Variants in DGKB observed in about 807,000 individuals in gnomAD.
The protein encoded by DGKB is 90 kDa diacylglycerol kinase.
Under a neutral mutation model 114.3 loss-of-function variants are expected in DGKB, and 67 were observed. That is an observed-to-expected ratio of 0.59 (90% CI 0.48 to 0.72). DGKB has a LOEUF of 0.72. Among genes scored for constraint, DGKB ranks in the 30% least tolerant of loss-of-function variants. The pLI, the probability that DGKB is intolerant of heterozygous loss-of-function variation, is 0.00. For missense variants in DGKB, 907 were observed against 975.2 expected (o/e 0.93, Z 0.93); for synonymous variants, 398 against 323.1 (o/e 1.23, Z -2.49).
chr7:14,952,213 C>T (rs1786241866), intron 1 of DGKB, among the ~76,000 whole-genome samples: 1 of 151,954 alleles, frequency 6.6e-6, no homozygotes, highest in Admixed American at 6.6e-5. Context: ...CAGATTCTTC[C>T]TCAGCACCTT....
At chr7:14,647,977 C>G (rs1009295120) in intron 13 of DGKB, among the ~76,000 whole-genome samples, 16 of 152,356 alleles carry the variant, frequency 1.1e-4, no homozygotes, top group African/African-American at 3.8e-4. Flanking sequence ...TATCCTGCAC[C>G]TGGCTCAGAG....
At chr7:14,806,677 C>T (rs1257931296) in intron 2 of DGKB, among the ~76,000 whole-genome samples, 1 of 152,004 alleles carries the variant, frequency 6.6e-6, no homozygotes, top group Non-Finnish European at 1.5e-5. Context: ...GTAACAGTCA[C>T]ATCTTCTTTT....
rs988001268 is a variant in DGKB, at chr7:14,188,549, A to G, written c.2123-10398T>C. On this transcript the variant is annotated intron_variant, in intron 23 of 25. Coordinates refer to ENST00000402815, the MANE Select transcript of DGKB (RefSeq NM_001350709.2). The stretch of plus-strand genomic sequence containing the variant: ...GTGGCGGGCGCCTGTAGTCCCAGCT[A>G]CTTGGGAGGCTGAGGCAGGAGAATG... Among the ~76,000 whole-genome samples the G allele has an allele frequency of 3.5e-5, 5 of 142,878 alleles. No homozygotes were observed. In the South Asian group the frequency reaches 8.7e-4, roughly 25 times the overall value. The allele number at this position is 142,878 out of a possible 152,430, so 93.7% of individuals were successfully genotyped here.
chr7:14,314,122 A>G (rs1188831659), intron 23 of DGKB, among the ~76,000 whole-genome samples: 1 of 152,052 alleles, frequency 6.6e-6, no homozygotes, highest in Non-Finnish European at 1.5e-5. Context: ...CACACCAAAA[A>G]CTCATCTGTA....
chr7:14,382,288 CA>C (rs199655483), intron 21 of DGKB, among the ~76,000 whole-genome samples: 1,883 of 148,210 alleles, frequency 0.013, 31 homozygotes, highest in African/African-American at 0.039. Context: ...CAAACAGTGG[CA>C]ATTTTTTTTT....
intron 9 of DGKB, among the ~76,000 whole-genome samples, chr7:14,692,480 T>C (rs1196853932): frequency 6.6e-6 from 1 of 152,054 alleles, no homozygotes; most frequent in Non-Finnish European, 1.5e-5. Context: ...ATTTTGTCAA[T>C]TTTTCTTTTG....
At chr7:14,805,795 C>G (rs1842724249) in intron 2 of DGKB, among the ~76,000 whole-genome samples, 1 of 150,836 alleles carries the variant, frequency 6.6e-6, no homozygotes, top group Admixed American at 6.6e-5. Context: ...CTTTCTGGTT[C>G]TCAAATTTTC....
intron 20 of DGKB, among the ~76,000 whole-genome samples, chr7:14,486,226 A>G (rs886555298): frequency 1.8e-4 from 27 of 152,180 alleles, no homozygotes; most frequent in Non-Finnish European, 4.0e-4. Flanking sequence ...TTGGGAAAGT[A>G]GTAGCTATAC....
intron 4 of DGKB, among the ~76,000 whole-genome samples, chr7:14,740,984 T>C (rs1325551848): frequency 6.6e-6 from 1 of 152,166 alleles, no homozygotes. Context: ...CTCCTCTTTC[T>C]AGATGAGTAG....
chr7:14,242,113 G>A (rs1217654419), intron 23 of DGKB, among the ~76,000 whole-genome samples: 1 of 152,100 alleles, frequency 6.6e-6, no homozygotes, highest in Non-Finnish European at 1.5e-5. Context: ...GAAGAATGCA[G>A]AAACCTTAGC....
At chr7:14,699,057 T>C (rs945460971) in intron 7 of DGKB, among the ~76,000 whole-genome samples, 1 of 151,786 alleles carries the variant, frequency 6.6e-6, no homozygotes, top group Non-Finnish European at 1.5e-5. Flanking sequence ...AGAAATACGA[T>C]AAAACAGATT....
intron 23 of DGKB, among the ~76,000 whole-genome samples, chr7:14,196,371 T>C (rs1785023052): frequency 6.6e-6 from 1 of 152,154 alleles, no homozygotes; most frequent in South Asian, 2.1e-4. Context: ...GCGGGCAGAT[T>C]GACCATCATA....
intron 21 of DGKB, among the ~76,000 whole-genome samples, chr7:14,471,708 A>G (rs1490277732): frequency 6.6e-6 from 1 of 152,110 alleles, no homozygotes; most frequent in East Asian, 1.9e-4. Flanking sequence ...GACTCACTCT[A>G]CATATCACAG....
At chr7:14,240,279 T>C (rs1410234685) in intron 23 of DGKB, among the ~76,000 whole-genome samples, 1 of 152,060 alleles carries the variant, frequency 6.6e-6, no homozygotes, top group Non-Finnish European at 1.5e-5. Flanking sequence ...CCATGTAAAA[T>C]AAATTTTGTA....
At chr7:14,181,251 G>C (rs1782597726) in intron 23 of DGKB, among the ~76,000 whole-genome samples, 1 of 152,130 alleles carries the variant, frequency 6.6e-6, no homozygotes, top group Admixed American at 6.5e-5. Context: ...TGGACCTTTA[G>C]ATAAGTTTGC....
Position 14,761,092 on chromosome 7 carries a change from CTAATATCT to C in DGKB, c.71-3369_71-3362del, listed in dbSNP as rs576952340. On this transcript the variant is annotated intron_variant, in intron 2 of 25. Transcript: ENST00000402815. ...CCTCTCCAATTCTCAAGTTCCAGTT[CTAATATCT>C]TAATATTTGAAGTTTAACTATGACC... is the stretch of plus-strand genomic sequence containing the variant. 2.8e-3 allele frequency among the ~76,000 whole-genome samples: 426 copies of C among 152,228 alleles called. 1 individual carries two copies. Among genetic ancestry groups the C allele is most frequent in the African/African-American group, 8.0e-3 (334 of 41,554 alleles).
At chr7:14,942,876 C>T (rs1203743893) in intron 1 of DGKB, among the ~76,000 whole-genome samples, 1 of 151,930 alleles carries the variant, frequency 6.6e-6, no homozygotes, top group African/African-American at 2.4e-5. Context: ...ATTTTATTTT[C>T]ATAGCACTTA....
chr7:14,540,889 C>T (rs571196225), intron 20 of DGKB, among the ~76,000 whole-genome samples: 3 of 152,204 alleles, frequency 2.0e-5, no homozygotes, highest in South Asian at 4.1e-4. Flanking sequence ...TCTTTTTAGC[C>T]TTGATAGAAC....
chr7:14,662,973 T>C (rs1817425028), intron 13 of DGKB, among the ~76,000 whole-genome samples: 1 of 151,976 alleles, frequency 6.6e-6, no homozygotes, highest in African/African-American at 2.4e-5. Context: ...TTAGATGATA[T>C]CATCTTAGCA....
Sources: allele counts gnomAD v4.1 joint callset (sites outside exome capture counted in the v4.1 genomes callset), GRCh38; gene constraint gnomAD v4.1.1; transcripts MANE v1.5; gene names NCBI Gene and HGNC (gene_info 2026-07-23, HGNC 2026-07-21).